The following ZNF577 variants were observed in gnomAD, a reference collection of about 807,000 sequenced individuals.
ZNF577 encodes zinc finger protein 577.
ZNF577 carries 14 observed loss-of-function variants against 13.9 expected under a neutral mutation model. The observed-to-expected ratio is 1.00, with a 90% CI of 0.66 to 1.57. ZNF577 has a LOEUF of 1.57. Among genes scored for constraint, ZNF577 ranks in the 40% most tolerant of loss-of-function variants. The pLI is 0.00. For synonymous variants in ZNF577, 203 were observed against 202.9 expected, an observed-to-expected ratio of 1.00 and a Z score of 0.00; for missense variants, 555 against 579.2, an observed-to-expected ratio of 0.96 and a Z score of 0.43.
chr19:51,881,352 C>CT (rs1364013217), intron 1 of ZNF577, among the ~76,000 whole-genome samples: 1 of 152,144 alleles, frequency 6.6e-6, no homozygotes, highest in African/African-American at 2.4e-5. Context: ...GCTCAAGAAA[C>CT]TGACTTAAAA....
chr19:51,850,446 G>T (rs1036474587), intron 5 of ZNF577, among the ~76,000 whole-genome samples: 6 of 152,218 alleles, frequency 3.9e-5, no homozygotes, highest in African/African-American at 1.2e-4. Context: ...GTTTCTGAAA[G>T]AAATAGGTGC....
chr19:51,846,597 A>G (rs1297247914), intron 5 of ZNF577, among the ~76,000 whole-genome samples: 1 of 152,068 alleles, frequency 6.6e-6, no homozygotes, highest in Non-Finnish European at 1.5e-5. Flanking sequence ...AATCACTGCT[A>G]CTTGGGAGGC....
At chr19:51,836,479 A>G (rs10422421) in intron 9 of ZNF577, among the ~76,000 whole-genome samples, 58,705 of 151,954 alleles carry the variant, frequency 0.39, 11,547 homozygotes, top group South Asian at 0.48. Flanking sequence ...TGGCTTTTTT[A>G]ATGTACCTGT....
intron 5 of ZNF577, among the ~76,000 whole-genome samples, chr19:51,848,265 G>A (rs184832334): frequency 2.0e-5 from 3 of 152,274 alleles, no homozygotes; most frequent in Non-Finnish European, 4.4e-5. Context: ...CTGCGCCCAC[G>A]CTGCCTCGTT....
chr19:51,842,408 G>A (rs1158266554), intron 8 of ZNF577, among the ~76,000 whole-genome samples: 3 of 152,054 alleles, frequency 2.0e-5, no homozygotes, highest in South Asian at 4.2e-4. Flanking sequence ...GGCCTTGTGG[G>A]AGTGGGTTTG....
chr19:51,806,977 CTAA>C (rs998699945), intron 10 of ZNF577, among the ~76,000 whole-genome samples: 6 of 152,328 alleles, frequency 3.9e-5, no homozygotes, highest in Non-Finnish European at 8.8e-5. Flanking sequence ...TTAATATCTC[CTAA>C]TAATTGCTGA....
At chr19:51,815,222 C>T (rs1160232460) in intron 9 of ZNF577, among the ~76,000 whole-genome samples, 1 of 152,070 alleles carries the variant, frequency 6.6e-6, no homozygotes, top group Non-Finnish European at 1.5e-5. Context: ...CAGCCCCACC[C>T]ATTGACTTTC....
chr19:51,865,246 G>A (rs117922245), downstream of ZNF577, among the ~76,000 whole-genome samples: 10,007 of 152,220 alleles, frequency 0.066, 467 homozygotes, highest in Non-Finnish European at 0.099. Flanking sequence ...CAGGGCACTC[G>A]CCACCATGCC....
intron 1 of ZNF577, among the ~76,000 whole-genome samples, chr19:51,881,459 C>G (rs1209268398): frequency 2.0e-5 from 3 of 152,194 alleles, no homozygotes; most frequent in African/African-American, 7.2e-5. Flanking sequence ...ACCCTCGATA[C>G]TACTTTATAA....
intron 5 of ZNF577, among the ~76,000 whole-genome samples, chr19:51,848,433 C>T (rs1418012220): frequency 2.6e-5 from 4 of 152,192 alleles, no homozygotes; most frequent in Admixed American, 6.5e-5. Context: ...GGTATCTGTA[C>T]TCCCACATTT....
chr19:51,825,119 G>A (rs948466450), intron 9 of ZNF577: 19 of 280,446 alleles, frequency 6.8e-5, no homozygotes, highest in African/African-American at 3.3e-4. Context: ...CTGAAACTTC[G>A]GACCAACCAG....
chr19:51,872,387 T>C lies in ZNF577; in HGVS notation c.*145A>G. 1 of 634,648 alleles carries C rather than the reference T, an allele frequency of 1.6e-6. No individual in the cohort carries two copies. Among genetic ancestry groups the C allele is most frequent in the Non-Finnish European group, 2.6e-6 (1 of 381,782 alleles). The allele number at this position is 634,648 out of a possible 1,614,324, so 39.3% of individuals were successfully genotyped here. A position where few individuals can be genotyped will look rare whatever the true frequency, so the allele number is the denominator to read the frequency against. On this transcript the variant is annotated 3_prime_UTR_variant, in exon 6 of 6. Coordinates refer to ENST00000638348, the MANE Select transcript of ZNF577 (RefSeq NM_001370449.1). ...GCATTTCTACCCAACATGATTTCAA[T>C]GGTGTTTAACAGGTTTGACTTCTCA...
chr19:51,873,280 G>A lies in ZNF577; in HGVS notation c.710C>T (p.Thr237Ile), dbSNP rs578213047. Residue 237 changes from threonine to isoleucine, a missense_variant, in exon 6 of 6, where the codon ACA (threonine) becomes ATA (isoleucine). Coordinates refer to ENST00000638348, the MANE Select transcript of ZNF577 (RefSeq NM_001370449.1). ...SQLMVHQRTHTGEKPYRCSKC... is the reference protein window; with the variant it reads ...SQLMVHQRTHIGEKPYRCSKC... ...GCTGCATCTGTAGGGTTTCTCTCCT[G>A]TATGGGTTCTCTGATGGACCATGAG... 1.8e-5 allele frequency: 29 copies of A among 1,613,304 alleles called. No homozygotes were observed. The highest frequency in any genetic ancestry group is 2.2e-5 in the East Asian group (1 of 44,870).
Position 51,880,677 on chromosome 19 carries a change from A to C in ZNF577, c.-20+2T>G. 1 of 419,798 alleles carries C rather than the reference A, an allele frequency of 2.4e-6. No homozygotes were observed. The allele number at this position is 419,798 out of a possible 1,614,324, so 26.0% of individuals were successfully genotyped here. ...CGACAAAATAGGTAAAACAAACCTC[A>C]CCTGGGCCTTGCCCATTTCGTTCAA... On this transcript the variant is annotated splice_donor_variant, in intron 2 of 5. Coordinates refer to ENST00000638348, the MANE Select transcript of ZNF577 (RefSeq NM_001370449.1). LOFTEE classifies it low-confidence loss of function (5UTR_SPLICE).
Position 51,867,656 on chromosome 19 carries a change from G to C in ZNF577, c.*4876C>G, listed in dbSNP as rs10409526. Among the ~76,000 whole-genome samples the C allele has an allele frequency of 0.27, 40,166 of 150,622 alleles. 7,597 individuals carry two copies. Among genetic ancestry groups the C allele is most frequent in the African/African-American group, 0.53 (21,405 of 40,754 alleles). Reference sequence around the variant, plus strand: ...AAAAATTAGCCGGGTGTGGTGGCAGGCACCTGTAATCCCAGCTACTCAGGA... The same window carrying C: ...AAAAATTAGCCGGGTGTGGTGGCAGCCACCTGTAATCCCAGCTACTCAGGA... On this transcript the variant is annotated 3_prime_UTR_variant, in exon 6 of 6. Coordinates refer to ENST00000638348, the MANE Select transcript of ZNF577 (RefSeq NM_001370449.1).
At chr19:51,848,424 G>T (rs7256504) in intron 5 of ZNF577, among the ~76,000 whole-genome samples, 1 of 152,052 alleles carries the variant, frequency 6.6e-6, no homozygotes, top group Non-Finnish European at 1.5e-5. Context: ...TGTGGAAGAG[G>T]TATCTGTACT....
At chr19:51,810,363 T>A (rs2084087933) in intron 10 of ZNF577, among the ~76,000 whole-genome samples, 1 of 152,188 alleles carries the variant, frequency 6.6e-6, no homozygotes, top group African/African-American at 2.4e-5. Context: ...GTATGAGGAA[T>A]CTGACGCTTC....
At chr19:51,844,075 ATAAG>A (rs2084336581) in intron 6 of ZNF577, among the ~76,000 whole-genome samples, 2 of 142,782 alleles carry the variant, frequency 1.4e-5, no homozygotes, top group South Asian at 4.4e-4. Context: ...TTTTTTTTAC[ATAAG>A]TAAGTTACGG....
intron 5 of ZNF577, among the ~76,000 whole-genome samples, chr19:51,859,080 A>G (rs1360734867): frequency 6.6e-6 from 1 of 152,218 alleles, no homozygotes; most frequent in African/African-American, 2.4e-5. Context: ...TTTGATATAA[A>G]TGAAAGTATA....
Sources: gnomAD v4.1 joint callset for allele counts (sites outside exome capture counted in the v4.1 genomes callset) on GRCh38, gnomAD v4.1.1 for gene constraint, MANE v1.5 for transcripts, NCBI Gene and HGNC (gene_info 2026-07-23, HGNC 2026-07-21) for gene names.